The following LGALS8 variants were observed in gnomAD, a reference collection of about 807,000 sequenced individuals.
LGALS8 encodes the protein galectin-8.
A neutral mutation model predicts 35.9 loss-of-function variants in LGALS8; 30 were observed. The observed-to-expected ratio is 0.83, with a 90% CI of 0.62 to 1.13. LGALS8 has a LOEUF of 1.13. Among genes scored for constraint, LGALS8 ranks in the 50% most tolerant of loss-of-function variants. LGALS8 has a pLI of 0.00. For synonymous variants in LGALS8, 138 were observed against 136.1 expected, an observed-to-expected ratio of 1.01 and a Z score of -0.10; for missense variants, 366 against 388.7, an observed-to-expected ratio of 0.94 and a Z score of 0.49.
chr1:236,529,803 C>T (rs898568230), intron 2 of LGALS8, among the ~76,000 whole-genome samples: 3 of 151,880 alleles, frequency 2.0e-5, no homozygotes, highest in Admixed American at 2.0e-4. Flanking sequence ...CGCACACCGC[C>T]ACGCCCCGCT....
At chr1:236,527,032 C>T (rs924900470) in intron 2 of LGALS8, among the ~76,000 whole-genome samples, 2 of 152,248 alleles carry the variant, frequency 1.3e-5, no homozygotes, top group African/African-American at 2.4e-5. Context: ...CTTCCTGAAG[C>T]GGAAGCTTGT....
Position 236,541,484 on chromosome 1 carries a change from T to C in LGALS8, c.466-170T>C, listed in dbSNP as rs933883029. On this transcript the variant is annotated intron_variant, in intron 5 of 9. Coordinates refer to ENST00000366584, the MANE Select transcript of LGALS8 (RefSeq NM_201544.4). ...ATTACATCTTATTCTCTGTAATGTT[T>C]GCCAATCTGATGGGGGGCGGAAAGG... is the stretch of plus-strand genomic sequence containing the variant. 6.0e-6 allele frequency: 3 copies of C among 499,710 alleles called. No homozygotes were observed. The East Asian group carries it at 1.1e-4, about 18-fold the overall frequency. The allele number at this position is 499,710 out of a possible 1,614,324, so 31.0% of individuals were successfully genotyped here.
intron 4 of LGALS8, among the ~76,000 whole-genome samples, chr1:236,539,661 C>T (rs1466935498): frequency 2.0e-5 from 3 of 152,190 alleles, no homozygotes; most frequent in Non-Finnish European, 2.9e-5. Flanking sequence ...GGAGCTTGCC[C>T]ACAGTAGAGG....
intron 9 of LGALS8, among the ~76,000 whole-genome samples, chr1:236,547,290 G>A (rs1408590453): frequency 6.6e-6 from 1 of 152,164 alleles, no homozygotes; most frequent in Non-Finnish European, 1.5e-5. Flanking sequence ...AGGTTTTTTG[G>A]TTTTTCATTG....
intron 2 of LGALS8, among the ~76,000 whole-genome samples, chr1:236,529,163 G>C (rs918831661): frequency 2.6e-5 from 4 of 152,160 alleles, no homozygotes; most frequent in Admixed American, 6.5e-5. Context: ...TGTAGTCCCA[G>C]CTATGAGGAA....
upstream of LGALS8, among the ~76,000 whole-genome samples, chr1:236,522,120 G>A (rs1660569094): frequency 6.6e-6 from 1 of 152,162 alleles, no homozygotes; most frequent in Non-Finnish European, 1.5e-5. Flanking sequence ...GAACAACAGT[G>A]CCAAATGAGG....
chr1:236,543,476 A>G, intron 7 of LGALS8, 84 bp from the exon 8 acceptor site: 3 of 1,012,618 alleles, frequency 3.0e-6, no homozygotes, highest in South Asian at 2.6e-5. Context: ...GCTCTGAAAC[A>G]TTCCGTAGTG....
intron 3 of LGALS8, among the ~76,000 whole-genome samples, chr1:236,538,226 T>C (rs1480301009): frequency 6.6e-6 from 1 of 152,188 alleles, no homozygotes; most frequent in Non-Finnish European, 1.5e-5. Flanking sequence ...ACTGAATACC[T>C]GCTTTGGATA....
intron 9 of LGALS8, among the ~76,000 whole-genome samples, chr1:236,546,436 A>G (rs998336498): frequency 6.6e-6 from 1 of 152,222 alleles, no homozygotes. Flanking sequence ...TTCATTTTAA[A>G]TCTTCTTGCT....
chr1:236,526,716 A>T lies in LGALS8; in HGVS notation c.45+601A>T, dbSNP rs566268408. ...TATGTGGTGGTGAGAATCTTTAGGA[A>T]TGTCTAGTTTCCACGTATCTGAAGC... On this transcript the variant is annotated intron_variant, in intron 2 of 9. Transcript: ENST00000366584. This position sits in a 1 kb window ranked among gnomAD's most constrained non-coding sequence, Gnocchi z 4.6. 6.6e-6 allele frequency among the ~76,000 whole-genome samples: 1 copy of T among 152,302 alleles called. No homozygotes were observed. Among genetic ancestry groups the T allele is most frequent in the African/African-American group, 2.4e-5 (1 of 41,578 alleles).
In LGALS8 at chr1:236,537,516, C is replaced by T; in HGVS notation, c.65C>T (p.Thr22Ile). The change falls in exon 3 of 10, where the codon ACC becomes ATC. Residue 22 changes from threonine (T) to isoleucine (I), a missense_variant. Thr to Ile is a moderately conservative substitution (Grantham distance 89, BLOSUM62 -1). Transcript: ENST00000366584. ...IYNPVIPFVGTIPDQLDPGTL... is the reference protein window; with the variant it reads ...IYNPVIPFVGIIPDQLDPGTL... ...TCTTAGGTAATCCCGTTTGTTGGCA[C>T]CATTCCTGATCAGCTGGATCCTGGA... 1.3e-6 allele frequency: 2 copies of T among 1,599,486 alleles called. No individual in the cohort carries two copies. Among genetic ancestry groups the T allele is most frequent in the Non-Finnish European group, 1.7e-6 (2 of 1,166,240 alleles).
Position 236,550,896 on chromosome 1 carries a change from A to C in LGALS8, c.*2735A>C, listed in dbSNP as rs1249847871. ...CTGAGTAGAGTATGAAACACCACAG[A>C]AAGTCTTAGAAATAGCTCTGGAGTG... On this transcript the variant is annotated 3_prime_UTR_variant, in exon 10 of 10. Transcript: ENST00000366584. 1 of 1,590,028 alleles carries C rather than the reference A, an allele frequency of 6.3e-7. No individual in the cohort carries two copies.
At chr1:236,540,542 T>C (rs780295227) in intron 4 of LGALS8, 22 bp from the exon 5 acceptor site, 161 of 1,519,492 alleles carry the variant, frequency 1.1e-4, no homozygotes, top group Non-Finnish European at 1.4e-4. Flanking sequence ...CGGGGGGGGC[T>C]CTGTCTTCTG....
intron 4 of LGALS8, among the ~76,000 whole-genome samples, chr1:236,539,747 C>G (rs577661488): frequency 1.3e-5 from 2 of 152,314 alleles, no homozygotes; most frequent in African/African-American, 4.8e-5. Context: ...TGCTCCTGCC[C>G]GAAAGTCTTT....
chr1:236,524,133 C>T (rs886295102), intron 1 of LGALS8, 72 bp downstream of exon 1: 4 of 456,600 alleles, frequency 8.8e-6, no homozygotes, highest in Non-Finnish European at 1.8e-5. Flanking sequence ...AGGGTCTCGC[C>T]AGTGGAGGAT....
chr1:236,531,472 C>G (rs560912927), intron 2 of LGALS8, among the ~76,000 whole-genome samples: 1 of 152,036 alleles, frequency 6.6e-6, no homozygotes, highest in African/African-American at 2.4e-5. Context: ...TACAGGCGCC[C>G]GCCACCCACG....
chr1:236,533,339 C>CTTT (rs139389436), intron 2 of LGALS8, among the ~76,000 whole-genome samples: 13,119 of 148,922 alleles, frequency 0.088, 917 homozygotes, highest in Middle Eastern at 0.18. Context: ...CTCCCCCACC[C>CTTT]TTTTTTTTTT....
At chr1:236,538,086 C>CAAAAAAAA (rs548113542) in intron 3 of LGALS8, among the ~76,000 whole-genome samples, 5 of 50,112 alleles carry the variant, frequency 1.0e-4, no homozygotes, top group African/African-American at 2.4e-4. Context: ...GCCTGGGTGA[C>CAAAAAAAA]AAAAAAAAAA....
chr1:236,550,579 C>T lies in LGALS8; in HGVS notation c.*2418C>T. ...AAGGCTTACAGTGCAAATGAGGCGT[C>T]AGCTTTGGGTGCTAAAATTAACAAG... On this transcript the variant is annotated 3_prime_UTR_variant, in exon 10 of 10. Transcript: ENST00000366584. 8.1e-6 allele frequency: 2 copies of T among 246,666 alleles called. No homozygotes were observed. Among genetic ancestry groups the T allele is most frequent in the Non-Finnish European group, 1.5e-5 (2 of 129,336 alleles). 15.3% of individuals were successfully genotyped at this position (246,666 alleles called of 1,614,324 possible). A position where few individuals can be genotyped will look rare whatever the true frequency, so the allele number is the denominator to read the frequency against.
Sources: allele counts gnomAD v4.1 joint callset (sites outside exome capture counted in the v4.1 genomes callset), GRCh38; gene constraint gnomAD v4.1.1; non-coding constraint Gnocchi (gnomAD v3.1); transcripts MANE v1.5; gene names NCBI Gene and HGNC (gene_info 2026-07-23, HGNC 2026-07-21).